TMPRSS11E: variants seen among roughly 807,000 people sequenced by gnomAD.
TMPRSS11E encodes transmembrane serine protease 11E, also known as transmembrane protease serine 11E.
Under a neutral mutation model 48.1 loss-of-function variants are expected in TMPRSS11E, and 38 were observed. That is an observed-to-expected ratio of 0.79 (90% CI 0.61 to 1.04). The LOEUF is 1.04. TMPRSS11E is among the 50% of genes least tolerant of loss of function. The probability of loss-of-function intolerance (pLI) is 0.00; values close to 1 mark genes in which losing one functional copy is unlikely to be tolerated. For synonymous variants in TMPRSS11E, 158 were observed against 171.9 expected, an observed-to-expected ratio of 0.92 and a Z score of 0.63; for missense variants, 530 against 510.8, an observed-to-expected ratio of 1.04 and a Z score of -0.36.
intron 3 of TMPRSS11E, 30 bp from the exon 4 acceptor site, chr4:68,468,849 C>A (rs766347995): frequency 6.9e-7 from 1 of 1,443,284 alleles, no homozygotes; most frequent in Non-Finnish European, 9.7e-7. Context: ...GTTGTTCTTG[C>A]TGATATATTT....
chr4:68,448,552 A>G (rs1236018156), intron 1 of TMPRSS11E, among the ~76,000 whole-genome samples: 1 of 151,960 alleles, frequency 6.6e-6, no homozygotes, highest in Non-Finnish European at 1.5e-5. Flanking sequence ...AATAAACTTA[A>G]CATACTAAAT....
In TMPRSS11E at chr4:68,474,731, A is replaced by G; in HGVS notation, c.499A>G (p.Lys167Glu). 6.2e-7 allele frequency: 1 copy of G among 1,606,578 alleles called. No individual in the cohort carries two copies. ...ATTTCTGTGTGTTTCAGAAATCAAC[A>G]AGACAGAAACAGACAGCTATCTAAA... The part of the protein sequence containing the change: ...PHSVKIKKIN[K>E]TETDSYLNHC... The change falls in exon 6 of 10, where the codon AAG (lysine) becomes GAG (glutamate). Residue 167 changes from lysine to glutamate, a missense_variant. Lys to Glu is a moderately conservative substitution (Grantham distance 56, BLOSUM62 1). Transcript: ENST00000305363.
chr4:68,476,112 A>C (rs527445533), intron 6 of TMPRSS11E, 149 bp from the exon 7 acceptor site: 16 of 1,023,766 alleles, frequency 1.6e-5, no homozygotes, highest in Admixed American at 7.0e-5. Flanking sequence ...AAAACACTAC[A>C]GTTTACAGAA....
chr4:68,467,949 A>G (rs1439551314), intron 3 of TMPRSS11E, among the ~76,000 whole-genome samples: 1 of 152,190 alleles, frequency 6.6e-6, no homozygotes, highest in Non-Finnish European at 1.5e-5. Flanking sequence ...ATCTAAAGGA[A>G]TATACATAAG....
In TMPRSS11E at chr4:68,476,390, C is replaced by T; in HGVS notation, c.659C>T (p.Thr220Ile). Reference protein sequence around the residue: ...QWDGSHRCGATLINATWLVSA... With the variant: ...QWDGSHRCGAILINATWLVSA... ...GATGGGAGTCATCGCTGTGGAGCAA[C>T]CTTAATTAATGCCACATGGCTTGTG... Residue 220 changes from threonine (T) to isoleucine (I), a missense_variant, in exon 7 of 10, where the codon ACC becomes ATC. Physicochemically the swap from Thr to Ile is moderately conservative, Grantham distance 89. Coordinates refer to ENST00000305363, the MANE Select transcript of TMPRSS11E (RefSeq NM_014058.4). 1.9e-6 allele frequency: 3 copies of T among 1,614,022 alleles called. No individual in the cohort carries two copies. In the South Asian group the frequency reaches 3.3e-5, roughly 18 times the overall value.
Position 68,474,737 on chromosome 4 carries a change from GAAAC to G in TMPRSS11E, c.507_510del (p.Asp171AlafsTer3). 1 of 1,604,740 alleles carries G rather than the reference GAAAC, an allele frequency of 6.2e-7. No homozygotes were observed. Among genetic ancestry groups the G allele is most frequent in the Non-Finnish European group, 8.5e-7 (1 of 1,176,746 alleles). On this transcript the variant is annotated frameshift_variant, in exon 6 of 10. Coordinates refer to ENST00000305363, the MANE Select transcript of TMPRSS11E (RefSeq NM_014058.4). LOFTEE classifies it high-confidence loss of function. ...GTGTGTTTCAGAAATCAACAAGACA[GAAAC>G]AGACAGCTATCTAAACCATTGTAAG...
intron 6 of TMPRSS11E, 32 bp from the exon 7 acceptor site, chr4:68,476,229 C>T: frequency 1.9e-6 from 3 of 1,612,646 alleles, no homozygotes; most frequent in Non-Finnish European, 2.5e-6. Flanking sequence ...ATTAATGCAC[C>T]CACCAATGCA....
chr4:68,461,926 T>TG lies in TMPRSS11E; in HGVS notation c.118dup (p.Val40GlyfsTer7). ...TCCTGGCAGTGTGCATTGGACTCACTGTTCATTATGTGAGATATAGTAAGT... is the reference window on the plus strand; with the variant it reads ...TCCTGGCAGTGTGCATTGGACTCACTGGTTCATTATGTGAGATATAGTAAGT... On this transcript the variant is annotated frameshift_variant, in exon 2 of 10. Transcript: ENST00000305363. LOFTEE classifies it high-confidence loss of function. The TG allele has an allele frequency of 6.2e-7, 1 of 1,614,188 alleles. No individual in the cohort carries two copies. Among genetic ancestry groups the TG allele is most frequent in the Non-Finnish European group, 8.5e-7 (1 of 1,179,998 alleles).
At chr4:68,451,777 T>G (rs1215248225) in intron 1 of TMPRSS11E, among the ~76,000 whole-genome samples, 3 of 151,866 alleles carry the variant, frequency 2.0e-5, no homozygotes, top group African/African-American at 7.2e-5. Flanking sequence ...ATTTTACAGA[T>G]GAGAAAAATG....
rs768867361 is a variant in TMPRSS11E at position 68,496,661 on chromosome 4, C to T, written c.1129C>T (p.Leu377=). 2 of 1,612,762 alleles carry T rather than the reference C, an allele frequency of 1.2e-6. No homozygotes were observed. The highest frequency in any genetic ancestry group is 2.2e-5 in the South Asian group (2 of 90,890). ...CCTTTAGGGTGACTCTGGAGGACCA[C>T]TGGTTAGTTCAGATGCTAGAGATAT... The part of the protein sequence containing the change: ...DACQGDSGGP[L]VSSDARDIWY... Residue 377 remains leucine, a synonymous_variant, in exon 10 of 10, where the codon CTG becomes TTG. Coordinates refer to ENST00000305363, the MANE Select transcript of TMPRSS11E (RefSeq NM_014058.4).
At position 68,479,624 on chromosome 4, in the gene TMPRSS11E, A is replaced by G. The variant is rs562370213; in HGVS notation, c.1110+633A>G. 2.7e-5 allele frequency among the ~76,000 whole-genome samples: 4 copies of G among 150,296 alleles called. No individual in the cohort carries two copies. In the East Asian group the frequency reaches 7.7e-4, roughly 29 times the overall value. ...TGCTTTTCCCTCTTTAATATTAAAC[A>G]TTAACAAATATAAACATTAAATATT... On this transcript the variant is annotated intron_variant, in intron 9 of 9. Coordinates refer to ENST00000305363, the MANE Select transcript of TMPRSS11E (RefSeq NM_014058.4).
chr4:68,496,704 T>G lies in TMPRSS11E; in HGVS notation c.1172T>G (p.Ile391Arg). The change falls in exon 10 of 10, where the codon ATA becomes AGA. Residue 391 changes from isoleucine to arginine, a missense_variant. By Grantham distance (97) the Ile-to-Arg change is moderately conservative (BLOSUM62 -3). Coordinates refer to ENST00000305363, the MANE Select transcript of TMPRSS11E (RefSeq NM_014058.4). Reference protein sequence around the residue: ...DARDIWYLAGIVSWGDECAKP... With the variant: ...DARDIWYLAGRVSWGDECAKP... ...AGAGATATCTGGTACCTTGCTGGAA[T>G]AGTGAGCTGGGGAGATGAATGTGCG... The G allele has an allele frequency of 1.2e-6, 2 of 1,613,732 alleles. No homozygotes were observed. The highest frequency in any genetic ancestry group is 2.2e-5 in the South Asian group (2 of 91,066).
At chr4:68,463,751 A>G (rs1728855263) in intron 2 of TMPRSS11E, among the ~76,000 whole-genome samples, 1 of 152,184 alleles carries the variant, frequency 6.6e-6, no homozygotes, top group Non-Finnish European at 1.5e-5. Flanking sequence ...GTGTGTCTAG[A>G]ATTTATCAGA....
chr4:68,456,470 C>A (rs1265270835), intron 1 of TMPRSS11E, among the ~76,000 whole-genome samples: 1 of 151,814 alleles, frequency 6.6e-6, no homozygotes, highest in Non-Finnish European at 1.5e-5. Context: ...TTTAAAAAAA[C>A]AGCAATGAAA....
intron 1 of TMPRSS11E, among the ~76,000 whole-genome samples, chr4:68,455,678 T>C (rs1481860545): frequency 2.0e-5 from 3 of 152,010 alleles, no homozygotes; most frequent in African/African-American, 7.2e-5. Flanking sequence ...ATTTTTCTTC[T>C]GATACACTTG....
chr4:68,478,805 A>C (rs75540296), intron 8 of TMPRSS11E, 44 bp from the exon 9 acceptor site: 3 of 1,594,970 alleles, frequency 1.9e-6, no homozygotes, highest in African/African-American at 2.7e-5. Flanking sequence ...AAGTTTATAA[A>C]ATATATGTAT....
At chr4:68,482,556 C>A (rs948261186) in intron 9 of TMPRSS11E, among the ~76,000 whole-genome samples, 5 of 134,602 alleles carry the variant, frequency 3.7e-5, no homozygotes, top group African/African-American at 1.4e-4. Flanking sequence ...GAGTTTGAGA[C>A]CAGCCTGGGT....
At chr4:68,449,775 A>G (rs1728443965) in intron 1 of TMPRSS11E, among the ~76,000 whole-genome samples, 1 of 151,900 alleles carries the variant, frequency 6.6e-6, no homozygotes. Context: ...CATAAATGAA[A>G]TAGGCCAGTT....
At position 68,478,927 on chromosome 4, in the gene TMPRSS11E, A is replaced by G. The variant is rs1228066587; in HGVS notation, c.1046A>G (p.Asn349Ser). ...ACTTGCAATGAACCTCAAGCTTACA[A>G]TGACGCCATAACTCCTAGAATGTTA... ...ATTCNEPQAY[N>S]DAITPRMLCA... Residue 349 changes from asparagine (N) to serine (S), a missense_variant, in exon 9 of 10, where the codon AAT (asparagine) becomes AGT (serine). Asn to Ser is a conservative substitution (Grantham distance 46, BLOSUM62 1). Transcript: ENST00000305363. 6.2e-7 allele frequency: 1 copy of G among 1,614,124 alleles called. No individual in the cohort carries two copies. Among genetic ancestry groups the G allele is most frequent in the Non-Finnish European group, 8.5e-7 (1 of 1,179,984 alleles).
Sources: gnomAD v4.1 joint callset for allele counts (sites outside exome capture counted in the v4.1 genomes callset) on GRCh38, gnomAD v4.1.1 for gene constraint, MANE v1.5 for transcripts, NCBI Gene and HGNC (gene_info 2026-07-23, HGNC 2026-07-21) for gene names.